Variants in ROBO1 observed in about 807,000 individuals in gnomAD.
ROBO1 encodes roundabout guidance receptor 1.
ROBO1 carries 149 observed loss-of-function variants against 195.9 expected under a neutral mutation model. The observed-to-expected ratio is 0.76, with a 90% CI of 0.67 to 0.87. ROBO1 has a LOEUF of 0.87. Among genes scored for constraint, ROBO1 ranks in the 40% least tolerant of loss-of-function variants. ROBO1 has a pLI of 0.00. For synonymous variants in ROBO1, 816 were observed against 733.2 expected, an observed-to-expected ratio of 1.11 and a Z score of -1.82; for missense variants, 1,933 against 2,068.3, an observed-to-expected ratio of 0.93 and a Z score of 1.27.
chr3:79,743,059 T>C (rs1415182111), intron 1 of ROBO1, among the ~76,000 whole-genome samples: 1 of 152,230 alleles, frequency 6.6e-6, no homozygotes, highest in Non-Finnish European at 1.5e-5. Flanking sequence ...TAGAGCCTTG[T>C]TTAACTCAAC....
chr3:79,083,122 A>G (rs1415685873), intron 3 of ROBO1, among the ~76,000 whole-genome samples: 1 of 152,096 alleles, frequency 6.6e-6, no homozygotes, highest in East Asian at 1.9e-4. Context: ...ACTTGGGCCA[A>G]AGAGGTTGAA....
In ROBO1 at chr3:78,951,308, C is replaced by T. The variant is rs113703624; in HGVS notation, c.173-12381G>A. On this transcript the variant is annotated intron_variant, in intron 3 of 30. Transcript: ENST00000464233. ...ACATACAGTACATATATATAATATT[C>T]GACTCATTATTCATAAAAAGCTTTC... 3.8e-3 allele frequency among the ~76,000 whole-genome samples: 584 copies of T among 151,802 alleles called. 3 individuals carry two copies. The highest frequency in any genetic ancestry group is 0.014 in the African/African-American group (565 of 41,406).
intron 3 of ROBO1, among the ~76,000 whole-genome samples, chr3:78,965,795 T>A (rs2076629453): frequency 6.6e-6 from 1 of 152,208 alleles, no homozygotes; most frequent in African/African-American, 2.4e-5. Flanking sequence ...AATTCTGGGT[T>A]CTTACCCTCT....
intron 2 of ROBO1, among the ~76,000 whole-genome samples, chr3:79,254,778 A>G (rs944058534): frequency 6.6e-6 from 1 of 152,182 alleles, no homozygotes; most frequent in Non-Finnish European, 1.5e-5. Context: ...TTCTCCAATT[A>G]GGCAGTAAAG....
intron 10 of ROBO1, among the ~76,000 whole-genome samples, chr3:78,675,604 G>A (rs577542802): frequency 1.8e-4 from 28 of 152,278 alleles, no homozygotes; most frequent in Middle Eastern, 6.8e-3. Context: ...AGGCGGCAGC[G>A]AGGCTGGGGG....
At chr3:78,887,127 T>C (rs2107326265) in intron 4 of ROBO1, among the ~76,000 whole-genome samples, 1 of 152,312 alleles carries the variant, frequency 6.6e-6, no homozygotes, top group Admixed American at 6.5e-5. Flanking sequence ...GAAATTAATA[T>C]GGATACAATA....
At chr3:79,701,611 CA>C (rs564558956) in intron 1 of ROBO1, among the ~76,000 whole-genome samples, 3 of 151,702 alleles carry the variant, frequency 2.0e-5, no homozygotes, top group Admixed American at 6.6e-5. Context: ...TATTATTATA[CA>C]GATGAAAAAA....
At chr3:78,714,644 G>T in intron 7 of ROBO1, 120 bp from the exon 8 acceptor site, 1 of 856,486 alleles carries the variant, frequency 1.2e-6, no homozygotes, top group Non-Finnish European at 1.7e-6. Context: ...AAAACAAAGA[G>T]TAAAACATGG....
At chr3:79,008,076 A>C (rs1157910285) in intron 3 of ROBO1, among the ~76,000 whole-genome samples, 2 of 152,200 alleles carry the variant, frequency 1.3e-5, no homozygotes, top group Non-Finnish European at 2.9e-5. Flanking sequence ...TATTTCTCTC[A>C]GCACTGTTTG....
At chr3:79,199,641 T>G (rs1166058700) in intron 2 of ROBO1, among the ~76,000 whole-genome samples, 2 of 151,748 alleles carry the variant, frequency 1.3e-5, no homozygotes, top group Non-Finnish European at 1.5e-5. Flanking sequence ...CCTTTCTTCC[T>G]GGATGCCACA....
intron 2 of ROBO1, among the ~76,000 whole-genome samples, chr3:79,164,686 T>A (rs927399827): frequency 6.6e-6 from 1 of 152,172 alleles, no homozygotes; most frequent in Non-Finnish European, 1.5e-5. Context: ...TCCTCTATTA[T>A]GTCAGAATTA....
intron 4 of ROBO1, among the ~76,000 whole-genome samples, chr3:78,847,968 TCAAGTAAC>T (rs1287148255): frequency 6.6e-6 from 1 of 152,168 alleles, no homozygotes; most frequent in Non-Finnish European, 1.5e-5. Context: ...ATAAAATTGA[TCAAGTAAC>T]TAATAATCCT....
intron 1 of ROBO1, among the ~76,000 whole-genome samples, chr3:79,728,629 AT>A (rs1194013464): frequency 3.9e-5 from 6 of 152,118 alleles, no homozygotes; most frequent in Non-Finnish European, 7.4e-5. Context: ...CATGACTACA[AT>A]TTTTTTGGTG....
At chr3:79,522,706 C>T (rs184099631) in intron 2 of ROBO1, among the ~76,000 whole-genome samples, 5 of 152,202 alleles carry the variant, frequency 3.3e-5, no homozygotes, top group South Asian at 2.1e-4. Context: ...TGTATCGATA[C>T]GTCATTATTT....
intron 4 of ROBO1, among the ~76,000 whole-genome samples, chr3:78,880,700 T>C (rs1031989853): frequency 6.6e-6 from 1 of 152,198 alleles, no homozygotes; most frequent in African/African-American, 2.4e-5. Context: ...TAACCCTTTA[T>C]CTGCTTTTTT....
At chr3:79,415,375 A>G (rs1004151040) in intron 2 of ROBO1, among the ~76,000 whole-genome samples, 1 of 152,132 alleles carries the variant, frequency 6.6e-6, no homozygotes, top group African/African-American at 2.4e-5. Flanking sequence ...TCCAGACATT[A>G]TAACCATGGG....
At chr3:78,903,310 A>G (rs957947498) in intron 4 of ROBO1, among the ~76,000 whole-genome samples, 1 of 152,090 alleles carries the variant, frequency 6.6e-6, no homozygotes, top group Non-Finnish European at 1.5e-5. Context: ...CTATTAAACA[A>G]TTAAATACTT....
chr3:78,854,842 T>C (rs1262568896), intron 4 of ROBO1, among the ~76,000 whole-genome samples: 1 of 152,132 alleles, frequency 6.6e-6, no homozygotes, highest in African/African-American at 2.4e-5. Flanking sequence ...ACTTTTATAG[T>C]TTGCCAAAAT....
intron 2 of ROBO1, among the ~76,000 whole-genome samples, chr3:79,554,376 T>C (rs1208801508): frequency 6.6e-6 from 1 of 152,024 alleles, no homozygotes. Flanking sequence ...ACAAATAAAA[T>C]GTTTTAGAAC....
Sources: gnomAD v4.1 joint callset for allele counts (sites outside exome capture counted in the v4.1 genomes callset) on GRCh38, gnomAD v4.1.1 for gene constraint, MANE v1.5 for transcripts, NCBI Gene and HGNC (gene_info 2026-07-23, HGNC 2026-07-21) for gene names.